Variants in MYBPC1 observed in about 807,000 individuals in gnomAD.
MYBPC1 encodes myosin binding protein C1.
A neutral mutation model predicts 147.1 loss-of-function variants in MYBPC1; 52 were observed. The ratio of observed to expected loss-of-function variants is 0.35; its 90% CI spans 0.28 to 0.45. The LOEUF (loss-of-function observed/expected upper bound fraction) is 0.45. Ranked by LOEUF, MYBPC1 falls within the 20% of genes least tolerant of loss-of-function variation. The pLI is 1.00. For synonymous variants in MYBPC1, 477 were observed against 475.9 expected, an observed-to-expected ratio of 1.00 and a Z score of -0.03; for missense variants, 1,228 against 1,440.3, an observed-to-expected ratio of 0.85 and a Z score of 2.39.
In MYBPC1 at chr12:101,630,907, T is replaced by C. The variant is rs140941363; in HGVS notation, c.290-664T>C. ...TTATGCAAATGAGTACATAGCCAAC[T>C]GTATTCCAGAATTACTTCTTTCCAG... is the stretch of plus-strand genomic sequence containing the variant. On this transcript the variant is annotated intron_variant, in intron 6 of 31. Transcript: ENST00000361466. 1.3e-3 allele frequency among the ~76,000 whole-genome samples: 197 copies of C among 152,332 alleles called. 1 individual carries two copies. The highest frequency in any genetic ancestry group is 4.6e-3 in the African/African-American group (191 of 41,582).
chr12:101,658,774 A>G (rs1896034539), intron 18 of MYBPC1, among the ~76,000 whole-genome samples: 2 of 152,236 alleles, frequency 1.3e-5, no homozygotes, highest in Admixed American at 6.5e-5. Flanking sequence ...TACAAAATGG[A>G]AGAATTAGAG....
intron 13 of MYBPC1, among the ~76,000 whole-genome samples, chr12:101,647,352 A>G (rs1370282630): frequency 6.6e-6 from 1 of 152,188 alleles, no homozygotes; most frequent in South Asian, 2.1e-4. Flanking sequence ...CAACCCTGAG[A>G]TCTCTGTCAT....
At chr12:101,600,252 T>G (rs1260743542) in intron 1 of MYBPC1, 1 of 151,988 alleles carries the variant, frequency 6.6e-6, no homozygotes, top group Non-Finnish European at 1.5e-5. Flanking sequence ...CAATCCTTTA[T>G]GCTCTCAATG....
At chr12:101,621,302 G>A (rs1047315895) in intron 3 of MYBPC1, among the ~76,000 whole-genome samples, 4 of 152,062 alleles carry the variant, frequency 2.6e-5, no homozygotes, top group African/African-American at 7.2e-5. Context: ...GCCACTATTA[G>A]GCAAGATTGA....
At chr12:101,678,462 C>G (rs1470260175) in intron 28 of MYBPC1, among the ~76,000 whole-genome samples, 2 of 152,114 alleles carry the variant, frequency 1.3e-5, no homozygotes, top group African/African-American at 4.8e-5. Context: ...AAAAGCAAAC[C>G]ACCTATTTAA....
chr12:101,604,732 T>TG (rs1881471252), intron 1 of MYBPC1, among the ~76,000 whole-genome samples: 1 of 152,232 alleles, frequency 6.6e-6, no homozygotes, highest in Admixed American at 6.5e-5. Context: ...TTTGAATTTC[T>TG]TTCCAATTTT....
chr12:101,688,809 C>T (rs2098642386), downstream of MYBPC1, among the ~76,000 whole-genome samples: 1 of 151,772 alleles, frequency 6.6e-6, no homozygotes, highest in African/African-American at 2.4e-5. Flanking sequence ...AAAAATTATC[C>T]AGGTGTGGTA....
At chr12:101,656,396 A>G (rs1272931436) in intron 18 of MYBPC1, among the ~76,000 whole-genome samples, 1 of 152,170 alleles carries the variant, frequency 6.6e-6, no homozygotes, top group Non-Finnish European at 1.5e-5. Context: ...ACAAATTAGA[A>G]GCCCAAAATT....
chr12:101,648,082 A>G lies in MYBPC1; in HGVS notation c.1128A>G (p.Thr376=). 1 of 1,613,122 alleles carries G rather than the reference A, an allele frequency of 6.2e-7. No homozygotes were observed. The stretch of plus-strand genomic sequence containing the variant: ...TGGTGACCAAACAGCTGGAAGATAC[A>G]ACTGCTTATTGTGGGGAGAGAGTGG... ...PIMVTKQLED[T]TAYCGERVEL... The change falls in exon 14 of 32, where the codon ACA becomes ACG. Residue 376 remains threonine (T), a synonymous_variant. Transcript: ENST00000361466.
chr12:101,666,428 C>T (rs1274823650), intron 22 of MYBPC1: 1 of 355,244 alleles, frequency 2.8e-6, no homozygotes, highest in African/African-American at 2.1e-5. Flanking sequence ...CAGGGTCTTG[C>T]TTTGTTCTTC....
downstream of MYBPC1, among the ~76,000 whole-genome samples, chr12:101,687,294 G>T (rs1435927950): frequency 1.3e-5 from 2 of 151,858 alleles, no homozygotes; most frequent in African/African-American, 4.8e-5. Context: ...TCATTGTTCA[G>T]CTCCCACCTA....
intron 1 of MYBPC1, among the ~76,000 whole-genome samples, chr12:101,612,432 GGGAACAGAAA>G (rs1884632372): frequency 6.6e-6 from 1 of 152,154 alleles, no homozygotes; most frequent in Non-Finnish European, 1.5e-5. Context: ...AGGTCAGAAG[GGGAACAGAAA>G]TGGCTCTAGA....
intron 24 of MYBPC1, among the ~76,000 whole-genome samples, chr12:101,672,757 A>T (rs1040380473): frequency 1.3e-5 from 2 of 152,126 alleles, no homozygotes; most frequent in Non-Finnish European, 2.9e-5. Flanking sequence ...GGTGAGCAGG[A>T]GAATCCCTTG....
Position 101,675,273 on chromosome 12 carries a change from C to T in MYBPC1, c.2810-19C>T. ...GAAAGAAAGTGACCTTGCAGTGACA[C>T]CATGAATTCATCCTGTAGACCGTCC... On this transcript the variant is annotated intron_variant, in intron 25 of 31. Transcript: ENST00000361466. 1 of 1,613,866 alleles carries T rather than the reference C, an allele frequency of 6.2e-7. No homozygotes were observed. The highest frequency in any genetic ancestry group is 8.5e-7 in the Non-Finnish European group (1 of 1,179,856).
chr12:101,614,158 G>A (rs922359222), intron 1 of MYBPC1, among the ~76,000 whole-genome samples: 1 of 152,130 alleles, frequency 6.6e-6, no homozygotes, highest in Non-Finnish European at 1.5e-5. Context: ...TAAATGCCCG[G>A]CCTGCCTCTG....
intron 31 of MYBPC1, among the ~76,000 whole-genome samples, chr12:101,684,861 G>A (rs752005932): frequency 6.6e-6 from 1 of 152,224 alleles, no homozygotes; most frequent in East Asian, 1.9e-4. Flanking sequence ...TGCTTTGTCT[G>A]GACGTGAATT....
intron 7 of MYBPC1, 99 bp from the exon 8 acceptor site, chr12:101,631,922 T>C (rs1397261278): frequency 1.2e-5 from 16 of 1,313,118 alleles, no homozygotes; most frequent in Non-Finnish European, 1.8e-5. Flanking sequence ...AGTGAGAACA[T>C]TGTACTGGAA....
At chr12:101,605,359 A>G (rs1215930515) in intron 1 of MYBPC1, among the ~76,000 whole-genome samples, 1 of 152,232 alleles carries the variant, frequency 6.6e-6, no homozygotes, top group African/African-American at 2.4e-5. Flanking sequence ...TAAAAATAAC[A>G]TGCACAAAAT....
intron 21 of MYBPC1, 69 bp downstream of exon 21, chr12:101,662,615 T>A: frequency 1.3e-6 from 2 of 1,548,944 alleles, no homozygotes; most frequent in Non-Finnish European, 1.8e-6. Flanking sequence ...TTCTCTCTGA[T>A]CCCTAACTGG....
Sources: allele counts gnomAD v4.1 joint callset (sites outside exome capture counted in the v4.1 genomes callset), GRCh38; gene constraint gnomAD v4.1.1; transcripts MANE v1.5; gene names NCBI Gene and HGNC (gene_info 2026-07-23, HGNC 2026-07-21).